ZHX3: variants seen among roughly 807,000 people sequenced by gnomAD.
The protein encoded by ZHX3 is zinc fingers and homeoboxes protein 3.
A neutral mutation model predicts 64.5 loss-of-function variants in ZHX3; 20 were observed. The observed-to-expected ratio is 0.31, with a 90% confidence interval of 0.22 to 0.45. ZHX3 has a LOEUF of 0.45. Among genes scored for constraint, ZHX3 ranks in the 20% least tolerant of loss-of-function variants. ZHX3 has a pLI of 1.00. For synonymous variants in ZHX3, 423 were observed against 461.6 expected, an observed-to-expected ratio of 0.92 and a Z score of 1.07; for missense variants, 1,041 against 1,195.8, an observed-to-expected ratio of 0.87 and a Z score of 1.91.
At chr20:41,244,349 C>G (rs2146467234) in intron 2 of ZHX3, among the ~76,000 whole-genome samples, 1 of 152,232 alleles carries the variant, frequency 6.6e-6, no homozygotes, top group African/African-American at 2.4e-5. Context: ...CTCAGCAACT[C>G]CCTCAGGTAT....
rs901218513 is a variant in ZHX3 at position 41,237,076 on chromosome 20, C to G, written c.-151+31914G>C. On this transcript the variant is annotated intron_variant, in intron 2 of 3. Coordinates refer to ENST00000683867, the MANE Select transcript of ZHX3 (RefSeq NM_001384317.1). ...AACCACAATGAGATACCATCTCACA[C>G]CAGTTAGAATGGCAATCATTAAAAA... Among the ~76,000 whole-genome samples, 4 of 152,144 alleles carry G rather than the reference C, an allele frequency of 2.6e-5. No homozygotes were observed. In the East Asian group the frequency reaches 7.7e-4, roughly 29 times the overall value.
intron 2 of ZHX3, among the ~76,000 whole-genome samples, chr20:41,240,312 G>C (rs2041293758): frequency 1.3e-5 from 2 of 152,220 alleles, no homozygotes; most frequent in Admixed American, 6.5e-5. Context: ...AGAGGGCTGA[G>C]ATGATATAGC....
At chr20:41,291,254 GAA>G (rs764033076) in intron 1 of ZHX3, among the ~76,000 whole-genome samples, 3 of 152,122 alleles carry the variant, frequency 2.0e-5, no homozygotes, top group Non-Finnish European at 2.9e-5. Flanking sequence ...AATCCATATA[GAA>G]AGAGAAGATC....
At chr20:41,279,102 A>T (rs1045850106) in intron 1 of ZHX3, among the ~76,000 whole-genome samples, 1 of 152,118 alleles carries the variant, frequency 6.6e-6, no homozygotes. Flanking sequence ...ATCTTTGTAA[A>T]TAAACTATTG....
chr20:41,213,708 T>A (rs1288540723), intron 2 of ZHX3: 1 of 152,270 alleles, frequency 6.6e-6, no homozygotes, highest in African/African-American at 2.4e-5. Context: ...GGAAAAGGTA[T>A]ATAGTGTTCC....
intron 1 of ZHX3, among the ~76,000 whole-genome samples, chr20:41,313,768 T>C (rs1213126971): frequency 6.6e-6 from 1 of 152,138 alleles, no homozygotes. Context: ...TGGCTAATTT[T>C]TGTATTTTTA....
At chr20:41,305,560 G>A (rs997585408) in intron 1 of ZHX3, among the ~76,000 whole-genome samples, 5 of 151,974 alleles carry the variant, frequency 3.3e-5, no homozygotes, top group South Asian at 4.1e-4. Flanking sequence ...CGGGACGGGC[G>A]GATCACGAGG....
At chr20:41,222,818 T>C (rs964055466) in intron 2 of ZHX3, among the ~76,000 whole-genome samples, 5 of 152,102 alleles carry the variant, frequency 3.3e-5, no homozygotes, top group Non-Finnish European at 5.9e-5. Context: ...TTTGTTTTAA[T>C]TGAAATTTTC....
chr20:41,199,124 T>C (rs2038010303), intron 3 of ZHX3, among the ~76,000 whole-genome samples: 1 of 152,188 alleles, frequency 6.6e-6, no homozygotes, highest in African/African-American at 2.4e-5. Context: ...TGTTCATGCA[T>C]GGTTTTCCTG....
At position 41,219,026 on chromosome 20, in the gene ZHX3, T is replaced by C. The variant is rs1364326089; in HGVS notation, c.-150-13960A>G. On this transcript the variant is annotated intron_variant, in intron 2 of 3. Coordinates refer to ENST00000683867, the MANE Select transcript of ZHX3 (RefSeq NM_001384317.1). This position sits in a 1 kb window ranked among gnomAD's most constrained non-coding sequence, Gnocchi z 5.0. ...CTCACTGCAAGCTCCACCTCCCGGG[T>C]TCACGCCACTCTCCTGCCTCAGCCT... is the stretch of plus-strand genomic sequence containing the variant. Among the ~76,000 whole-genome samples, 2 of 145,410 alleles carry C rather than the reference T, an allele frequency of 1.4e-5. No individual in the cohort carries two copies. The highest frequency in any genetic ancestry group is 3.0e-5 in the Non-Finnish European group (2 of 66,736).
intron 1 of ZHX3, among the ~76,000 whole-genome samples, chr20:41,300,620 A>C (rs1302802916): frequency 6.6e-6 from 1 of 152,206 alleles, no homozygotes. Flanking sequence ...ATGGAAAAGG[A>C]GAAGTGGCAC....
chr20:41,272,762 C>T (rs2146639645), intron 1 of ZHX3, among the ~76,000 whole-genome samples: 1 of 152,290 alleles, frequency 6.6e-6, no homozygotes, highest in African/African-American at 2.4e-5. Flanking sequence ...GCACATCTTG[C>T]TCATCCATTC....
chr20:41,249,226 G>C (rs989429275), intron 2 of ZHX3, among the ~76,000 whole-genome samples: 1 of 150,524 alleles, frequency 6.6e-6, no homozygotes, highest in Non-Finnish European at 1.5e-5. Context: ...CCCTGAAACA[G>C]AATTGTTCAC....
intron 1 of ZHX3, among the ~76,000 whole-genome samples, chr20:41,274,186 T>C (rs942977589): frequency 6.6e-6 from 1 of 152,226 alleles, no homozygotes; most frequent in African/African-American, 2.4e-5. Flanking sequence ...CTTTGGGCTA[T>C]GGAAAAGGTC....
intron 2 of ZHX3, among the ~76,000 whole-genome samples, chr20:41,225,321 T>C (rs2040193614): frequency 6.6e-6 from 1 of 152,236 alleles, no homozygotes; most frequent in African/African-American, 2.4e-5. Context: ...CTGCAGCTAC[T>C]GCTACTGTTC....
Position 41,212,474 on chromosome 20 carries a change from A to C in ZHX3, c.-150-7408T>G, listed in dbSNP as rs985300031. On this transcript the variant is annotated intron_variant, in intron 2 of 3. Transcript: ENST00000683867. This position sits in a 1 kb window ranked among gnomAD's most constrained non-coding sequence, Gnocchi z 4.3. ...GCCACTTTGGAAAACTGTTTGGCAA[A>C]CAAAATGTTAAATATAGAGTTGCCA... Among the ~76,000 whole-genome samples, 1 of 152,192 alleles carries C rather than the reference A, an allele frequency of 6.6e-6. No individual in the cohort carries two copies. Among genetic ancestry groups the C allele is most frequent in the Admixed American group, 6.5e-5 (1 of 15,272 alleles).
At chr20:41,206,590 G>A (rs1458856111) in intron 2 of ZHX3, among the ~76,000 whole-genome samples, 1 of 152,110 alleles carries the variant, frequency 6.6e-6, no homozygotes, top group Admixed American at 6.6e-5. Flanking sequence ...GAAGCGAGAA[G>A]TTTAGAGAGA....
At chr20:41,292,823 A>G (rs1163250996) in intron 1 of ZHX3, among the ~76,000 whole-genome samples, 2 of 152,260 alleles carry the variant, frequency 1.3e-5, no homozygotes, top group African/African-American at 4.8e-5. Context: ...TCTCAGATTA[A>G]TAACTCAAAA....
chr20:41,292,010 CT>C (rs1244562558), intron 1 of ZHX3, among the ~76,000 whole-genome samples: 1 of 60,724 alleles, frequency 1.6e-5, no homozygotes, highest in Admixed American at 2.2e-4. Flanking sequence ...AAGACCTCAT[CT>C]TTAAAAAAAA....
Sources: allele counts gnomAD v4.1 joint callset (sites outside exome capture counted in the v4.1 genomes callset), GRCh38; gene constraint gnomAD v4.1.1; non-coding constraint Gnocchi (gnomAD v3.1); transcripts MANE v1.5; gene names NCBI Gene and HGNC (gene_info 2026-07-23, HGNC 2026-07-21).